The following PTPRD variants were observed in gnomAD, a reference collection of about 807,000 sequenced individuals.
The protein encoded by PTPRD is protein tyrosine phosphatase receptor type D, also known as receptor-type tyrosine-protein phosphatase delta.
A neutral mutation model predicts 214.5 loss-of-function variants in PTPRD; 34 were observed. The observed-to-expected ratio is 0.16, with a 90% CI of 0.12 to 0.21. The LOEUF (loss-of-function observed/expected upper bound fraction) is 0.21, where lower values mean the gene tolerates loss of function less well. PTPRD is among the 10% of genes least tolerant of loss of function. The pLI is 1.00. For missense variants in PTPRD, 2,545 were observed against 2,398.7 expected (o/e 1.06, Z -1.27); for synonymous variants, 1,128 against 845.7 (o/e 1.33, Z -5.79).
intron 8 of PTPRD, among the ~76,000 whole-genome samples, chr9:9,485,116 C>T (rs1231134936): frequency 6.6e-6 from 1 of 152,178 alleles, no homozygotes; most frequent in African/African-American, 2.4e-5. Context: ...ATGTGTCAAA[C>T]AGCTGTCGTT....
chr9:9,381,868 T>A (rs1218887084), intron 9 of PTPRD, among the ~76,000 whole-genome samples: 1 of 151,722 alleles, frequency 6.6e-6, no homozygotes, highest in African/African-American at 2.4e-5. Context: ...TCTTTTGTGG[T>A]TCCATGTGAA....
intron 3 of PTPRD, among the ~76,000 whole-genome samples, chr9:10,310,599 A>G (rs1565206540): frequency 6.6e-6 from 1 of 152,068 alleles, no homozygotes; most frequent in Non-Finnish European, 1.5e-5. Context: ...TTTTAAAGGG[A>G]AAGGAATAAT....
chr9:8,344,836 C>T (rs1046566289), intron 39 of PTPRD, among the ~76,000 whole-genome samples: 1 of 151,822 alleles, frequency 6.6e-6, no homozygotes, highest in South Asian at 2.1e-4. Context: ...ACAGTTAACT[C>T]TTATTAACGT....
At chr9:9,850,059 G>C (rs1049955664) in intron 5 of PTPRD, among the ~76,000 whole-genome samples, 1 of 152,052 alleles carries the variant, frequency 6.6e-6, no homozygotes, top group Non-Finnish European at 1.5e-5. Context: ...TAGTTACCCA[G>C]ATATTCCAAA....
intron 10 of PTPRD, among the ~76,000 whole-genome samples, chr9:9,086,148 G>A (rs558222954): frequency 4.4e-4 from 67 of 152,200 alleles, no homozygotes; most frequent in African/African-American, 1.3e-3. Flanking sequence ...GCACCAAATC[G>A]AATTGAAGTG....
chr9:8,772,457 T>C (rs1256107809), intron 11 of PTPRD, among the ~76,000 whole-genome samples: 1 of 151,894 alleles, frequency 6.6e-6, no homozygotes, highest in Non-Finnish European at 1.5e-5. Context: ...AAGACCAGCC[T>C]GGGCAAGATA....
At chr9:8,319,707 T>TAAAC in intron 45 of PTPRD, 124 bp downstream of exon 45, 1 of 1,207,366 alleles carries the variant, frequency 8.3e-7, no homozygotes, top group South Asian at 1.4e-5. Flanking sequence ...TCAAAATTAT[T>TAAAC]AAACAGTTTG....
chr9:8,946,820 C>T (rs1421126442), intron 11 of PTPRD, among the ~76,000 whole-genome samples: 1 of 151,710 alleles, frequency 6.6e-6, no homozygotes. Context: ...CCCTTTTTTT[C>T]CCCCCATAAT....
intron 3 of PTPRD, among the ~76,000 whole-genome samples, chr9:10,192,212 A>T (rs1198110410): frequency 6.6e-6 from 1 of 152,138 alleles, no homozygotes; most frequent in Non-Finnish European, 1.5e-5. Context: ...TACCTACAGC[A>T]CTGTGAAAGG....
At chr9:9,825,453 A>AAGAGAGAAAGAAAGAGACCGAGAGAC (rs2052473204) in intron 5 of PTPRD, among the ~76,000 whole-genome samples, 1 of 151,374 alleles carries the variant, frequency 6.6e-6, no homozygotes, top group Admixed American at 6.6e-5. Flanking sequence ...AAGAAAGAGA[A>AAGAGAGAAAGAAAGAGACCGAGAGAC]AGAGAGAAAG....
intron 5 of PTPRD, among the ~76,000 whole-genome samples, chr9:9,881,700 C>T (rs772958185): frequency 2.0e-4 from 30 of 152,078 alleles, no homozygotes; most frequent in South Asian, 8.3e-4. Flanking sequence ...TTACCGCAAC[C>T]GTCTCACACC....
chr9:8,871,851 C>G (rs889796354), intron 11 of PTPRD, among the ~76,000 whole-genome samples: 1 of 152,114 alleles, frequency 6.6e-6, no homozygotes, highest in Non-Finnish European at 1.5e-5. Flanking sequence ...ATAAAAAGAA[C>G]TGCCCAAATC....
chr9:10,236,614 T>C (rs527694909), intron 3 of PTPRD, among the ~76,000 whole-genome samples: 1 of 152,018 alleles, frequency 6.6e-6, no homozygotes, highest in East Asian at 1.9e-4. Flanking sequence ...AGTTATTATA[T>C]TTTCTATATG....
intron 44 of PTPRD, among the ~76,000 whole-genome samples, chr9:8,324,492 A>G (rs1831624860): frequency 6.6e-6 from 1 of 152,012 alleles, no homozygotes; most frequent in Non-Finnish European, 1.5e-5. Flanking sequence ...TCTTTATCCA[A>G]TCTATCATTG....
intron 3 of PTPRD, among the ~76,000 whole-genome samples, chr9:10,283,043 A>G (rs1292752535): frequency 6.6e-6 from 1 of 151,540 alleles, no homozygotes; most frequent in East Asian, 1.9e-4. Flanking sequence ...CCATTTTCCA[A>G]TTTTTCAAGT....
At chr9:10,146,100 A>G (rs958658589) in intron 3 of PTPRD, among the ~76,000 whole-genome samples, 9 of 150,986 alleles carry the variant, frequency 6.0e-5, no homozygotes, top group African/African-American at 2.2e-4. Context: ...CTTATGTCTT[A>G]TTTTCTTAGT....
At chr9:9,783,057 T>C (rs1217722054) in intron 5 of PTPRD, among the ~76,000 whole-genome samples, 1 of 152,200 alleles carries the variant, frequency 6.6e-6, no homozygotes, top group Non-Finnish European at 1.5e-5. Context: ...TTAATTATCT[T>C]GTTTAAATTC....
intron 12 of PTPRD, among the ~76,000 whole-genome samples, chr9:8,654,786 T>C (rs1565022693): frequency 6.6e-6 from 1 of 152,206 alleles, no homozygotes; most frequent in African/African-American, 2.4e-5. Context: ...TTTCCCTTCC[T>C]ATGTATTTAT....
At chr9:8,434,545 A>G (rs2095261851) in intron 35 of PTPRD, among the ~76,000 whole-genome samples, 1 of 152,176 alleles carries the variant, frequency 6.6e-6, no homozygotes, top group Non-Finnish European at 1.5e-5. Context: ...CATGGTTTAA[A>G]GTTATATTGG....
Sources: allele counts gnomAD v4.1 joint callset (sites outside exome capture counted in the v4.1 genomes callset), GRCh38; gene constraint gnomAD v4.1.1; transcripts MANE v1.5; gene names NCBI Gene and HGNC (gene_info 2026-07-23, HGNC 2026-07-21).